The following PACRGL variants were observed in gnomAD, a reference collection of about 807,000 sequenced individuals.
The protein encoded by PACRGL is parkin coregulated like, also known as PACRG-like protein.
In PACRGL, 38 loss-of-function variants were observed where a neutral mutation model predicts 34.5. That is an observed-to-expected ratio of 1.10 (90% CI 0.85 to 1.44). The LOEUF (loss-of-function observed/expected upper bound fraction) is 1.44. Among genes scored for constraint, PACRGL ranks in the 40% most tolerant of loss-of-function variants. The probability of loss-of-function intolerance (pLI) is 0.00; values close to 1 mark genes in which losing one functional copy is unlikely to be tolerated. For missense variants in PACRGL, 305 were observed against 281.4 expected, an observed-to-expected ratio of 1.08 and a Z score of -0.60; for synonymous variants, 128 against 100.1, an observed-to-expected ratio of 1.28 and a Z score of -1.66.
chr4:20,748,563 TA>T (rs1752891002), intron 8 of PACRGL, among the ~76,000 whole-genome samples: 3 of 1,530 alleles, frequency 2.0e-3, no homozygotes, highest in East Asian at 0.033. Context: ...CCAAATTTTA[TA>T]TATATATATA....
At chr4:20,700,189 C>T (rs190547707), upstream of PACRGL, among the ~76,000 whole-genome samples, 1 of 152,268 alleles carries the variant, frequency 6.6e-6, no homozygotes, top group Admixed American at 6.5e-5. Flanking sequence ...TGAAGAGAGG[C>T]TAGGGCGCAG....
At position 20,730,056 on chromosome 4, in the gene PACRGL, G is replaced by GTTGGATTCAGGATCTAT; in HGVS notation, c.*2719_*2735dup. Reference sequence around the variant, plus strand: ...GTGGTAGAATAGTTCACATTTGTCTGTTGGATTCAGGATCTATTTGACAAG... The same window carrying GTTGGATTCAGGATCTAT: ...GTGGTAGAATAGTTCACATTTGTCTGTTGGATTCAGGATCTATTTGGATTCAGGATCTATTTGACAAG... On this transcript the variant is annotated 3_prime_UTR_variant, in exon 9 of 9. Transcript: ENST00000503585. 2 of 1,601,054 alleles carry GTTGGATTCAGGATCTAT rather than the reference G, an allele frequency of 1.2e-6. No individual in the cohort carries two copies. Among genetic ancestry groups the GTTGGATTCAGGATCTAT allele is most frequent in the Non-Finnish European group, 1.7e-6 (2 of 1,175,402 alleles).
the PACRGL span, among the ~76,000 whole-genome samples, chr4:20,762,888 G>A: frequency 6.6e-6 from 1 of 152,162 alleles, no homozygotes; most frequent in East Asian, 1.9e-4. Flanking sequence ...CCCTGGGAAG[G>A]CCTCAGGAAA....
At chr4:20,710,449 ATTAC>A (rs1736650988) in intron 5 of PACRGL, among the ~76,000 whole-genome samples, 5 of 152,160 alleles carry the variant, frequency 3.3e-5, no homozygotes. Flanking sequence ...TAAACTTTTA[ATTAC>A]TTTTTAAAAG....
At chr4:20,704,922 CTAA>C (rs1016185503) in intron 3 of PACRGL, 108 bp downstream of exon 3, 14 of 1,277,150 alleles carry the variant, frequency 1.1e-5, no homozygotes, top group African/African-American at 4.5e-5. Context: ...TAGTTTTGAG[CTAA>C]TAATGAGAGA....
intron 7 of PACRGL, among the ~76,000 whole-genome samples, chr4:20,723,437 G>GT (rs142101499): frequency 0.012 from 1,728 of 146,254 alleles, 29 homozygotes; most frequent in African/African-American, 0.025. Flanking sequence ...TTGTTTTTTT[G>GT]TTTTTGTTTT....
intron 7 of PACRGL, 111 bp from the exon 8 acceptor site, chr4:20,724,697 A>G (rs1744873736): frequency 8.3e-6 from 4 of 483,686 alleles, no homozygotes; most frequent in Non-Finnish European, 1.4e-5. Context: ...TGCTTCCTAA[A>G]AAAAGCCTTG....
chr4:20,744,678 T>C (rs1242978654), intron 8 of PACRGL, among the ~76,000 whole-genome samples: 3 of 152,098 alleles, frequency 2.0e-5, no homozygotes, highest in Non-Finnish European at 2.9e-5. Context: ...AATGACGTGT[T>C]AATGGGTGCA....
chr4:20,720,288 G>A (rs1472315293), intron 7 of PACRGL, among the ~76,000 whole-genome samples: 1 of 152,082 alleles, frequency 6.6e-6, no homozygotes, highest in Non-Finnish European at 1.5e-5. Context: ...TATCCAATCT[G>A]CCAGTCTGTG....
In PACRGL at chr4:20,727,572, ATTT is replaced by A. The variant is rs1746307741; in HGVS notation, c.*234_*236del. 1 of 388,488 alleles carries A rather than the reference ATTT, an allele frequency of 2.6e-6. No homozygotes were observed. Among genetic ancestry groups the A allele is most frequent in the Non-Finnish European group, 4.6e-6 (1 of 215,826 alleles). 24.1% of individuals were successfully genotyped at this position (388,488 alleles called of 1,614,324 possible). On this transcript the variant is annotated 3_prime_UTR_variant, in exon 9 of 9. Transcript: ENST00000503585. ...TACAATTTTGAGGTTTATTTTTTGT[ATTT>A]TTATTATTTGTGCGAAGAACCATTA... is the stretch of plus-strand genomic sequence containing the variant.
At chr4:20,760,511 TTTG>T in the PACRGL span, among the ~76,000 whole-genome samples, 1 of 152,192 alleles carries the variant, frequency 6.6e-6, no homozygotes, top group African/African-American at 2.4e-5. Flanking sequence ...TATTTTCTCA[TTTG>T]TTGTTTTGAA....
chr4:20,726,667 CTTGTGTAT>C lies in PACRGL; in HGVS notation c.691-617_691-610del, dbSNP rs60752161. On this transcript the variant is annotated intron_variant, in intron 8 of 8. Transcript: ENST00000503585. ...AGTTGTGGTTTCTCATTTCTTGGGACTTGTGTATATCAATGATGGAACTATTCAACTTT... is the reference window on the plus strand; with the variant it reads ...AGTTGTGGTTTCTCATTTCTTGGGACATCAATGATGGAACTATTCAACTTT... 2.3e-3 allele frequency among the ~76,000 whole-genome samples: 357 copies of C among 152,100 alleles called. 1 individual carries two copies. Among genetic ancestry groups the C allele is most frequent in the African/African-American group, 8.3e-3 (345 of 41,496 alleles).
upstream of PACRGL, among the ~76,000 whole-genome samples, chr4:20,697,953 A>G (rs1274002877): frequency 1.3e-5 from 2 of 152,158 alleles, no homozygotes; most frequent in Non-Finnish European, 2.9e-5. Flanking sequence ...ATTTCAATCT[A>G]TGAATTTTGG....
chr4:20,758,906 G>A, the PACRGL span: 2 of 1,608,778 alleles, frequency 1.2e-6, no homozygotes, highest in East Asian at 4.5e-5. Context: ...GAAAGTGGCA[G>A]AGAAGCAATA....
chr4:20,734,961 A>G (rs1474732990), downstream of PACRGL, among the ~76,000 whole-genome samples: 3 of 152,196 alleles, frequency 2.0e-5, no homozygotes, highest in Non-Finnish European at 2.9e-5. Context: ...ATCAATGGTC[A>G]TACTGGAAAT....
the PACRGL span, among the ~76,000 whole-genome samples, chr4:20,758,510 C>G: frequency 6.6e-6 from 1 of 152,080 alleles, no homozygotes; most frequent in Admixed American, 6.6e-5. Flanking sequence ...ACCTACAATG[C>G]ATGTGAATGA....
chr4:20,721,525 G>A (rs998672029), intron 7 of PACRGL, among the ~76,000 whole-genome samples: 3 of 151,790 alleles, frequency 2.0e-5, no homozygotes, highest in Non-Finnish European at 4.4e-5. Context: ...CTTTCTGTTT[G>A]TTAGTTTTCC....
the PACRGL span, chr4:20,758,771 G>T: frequency 1.4e-6 from 2 of 1,411,464 alleles, no homozygotes; most frequent in Non-Finnish European, 2.0e-6. Context: ...AACACTGCAA[G>T]CATAATTGTA....
At chr4:20,717,280 G>T (rs1740572779) in intron 7 of PACRGL, among the ~76,000 whole-genome samples, 1 of 152,062 alleles carries the variant, frequency 6.6e-6, no homozygotes, top group African/African-American at 2.4e-5. Context: ...CCATTCTGTA[G>T]GTTGCCTGTT....
Sources: allele counts gnomAD v4.1 joint callset (sites outside exome capture counted in the v4.1 genomes callset), GRCh38; gene constraint gnomAD v4.1.1; transcripts MANE v1.5; gene names NCBI Gene and HGNC (gene_info 2026-07-23, HGNC 2026-07-21).